Variants in ORC1 observed in about 807,000 individuals in gnomAD.
ORC1 encodes origin recognition complex subunit 1.
A neutral mutation model predicts 98.9 loss-of-function variants in ORC1; 61 were observed. That is an observed-to-expected ratio of 0.62 (90% CI 0.50 to 0.76). The LOEUF (loss-of-function observed/expected upper bound fraction) is 0.76, where lower values mean the gene tolerates loss of function less well. Ranked by LOEUF, ORC1 falls within the 30% of genes least tolerant of loss-of-function variation. The probability of loss-of-function intolerance (pLI) is 0.00; values close to 1 mark genes in which losing one functional copy is unlikely to be tolerated. For missense variants in ORC1, 979 were observed against 1,072.2 expected (o/e 0.91, Z 1.21); for synonymous variants, 385 against 406.9 (o/e 0.95, Z 0.65).
chr1:52,382,785 G>A (rs566477185), intron 13 of ORC1, among the ~76,000 whole-genome samples: 187 of 151,820 alleles, frequency 1.2e-3, no homozygotes, highest in African/African-American at 4.2e-3. Context: ...TCTCCATGTT[G>A]GTCAGGCTGG....
intron 10 of ORC1, 63 bp downstream of exon 10, chr1:52,385,098 C>A: frequency 9.8e-7 from 1 of 1,017,252 alleles, no homozygotes; most frequent in Non-Finnish European, 1.6e-6. Flanking sequence ...CTGTAACACC[C>A]AAGGCATTCC....
rs2274126 is a variant in ORC1 at position 52,389,500 on chromosome 1, T to C, written c.1083-179A>G. On this transcript the variant is annotated intron_variant, in intron 6 of 16. Transcript: ENST00000371568. ...AAAAATTATAACTAAAAAGTTATAA[T>C]TGAAGCTTGACTCAAACCCAGAGTT... Among the ~76,000 whole-genome samples, 33 of 152,334 alleles carry C rather than the reference T, an allele frequency of 2.2e-4. No homozygotes were observed. The East Asian group carries it at 6.0e-3, about 28-fold the overall frequency.
At chr1:52,394,116 G>A (rs1647293079) in intron 5 of ORC1, among the ~76,000 whole-genome samples, 1 of 152,190 alleles carries the variant, frequency 6.6e-6, no homozygotes, top group Non-Finnish European at 1.5e-5. Flanking sequence ...GTCTCAATCA[G>A]GGGTGACATC....
chr1:52,402,813 C>G (rs895103494), intron 1 of ORC1, among the ~76,000 whole-genome samples: 1 of 152,094 alleles, frequency 6.6e-6, no homozygotes, highest in Admixed American at 6.5e-5. Context: ...AGGCAAATCA[C>G]TTGAACCCGG....
At chr1:52,376,289 T>C (rs1010722233) in intron 14 of ORC1, among the ~76,000 whole-genome samples, 2 of 151,902 alleles carry the variant, frequency 1.3e-5, no homozygotes. Context: ...CCCAGGCAGG[T>C]GGATCACTTG....
In ORC1 at chr1:52,400,213, G is replaced by A. The variant is rs72899849; in HGVS notation, c.223+1149C>T. On this transcript the variant is annotated intron_variant, in intron 3 of 16. Transcript: ENST00000371568. ...CTCCCCTTATCTGCTGAGGGTACGC[G>A]CCAAGACCAGTAGATGCTTGAACCT... is the stretch of plus-strand genomic sequence containing the variant. Among the ~76,000 whole-genome samples, 677 of 152,186 alleles carry A rather than the reference G, an allele frequency of 4.4e-3. 8 individuals carry two copies. Among genetic ancestry groups the A allele is most frequent in the African/African-American group, 0.015 (639 of 41,490 alleles).
At position 52,401,445 on chromosome 1, in the gene ORC1, A is replaced by G; in HGVS notation, c.140T>C (p.Ile47Thr). Residue 47 changes from isoleucine to threonine, a missense_variant, in exon 3 of 17, where the codon ATC becomes ACC. Ile to Thr is a moderately conservative substitution (Grantham distance 89). Coordinates refer to ENST00000371568, the MANE Select transcript of ORC1 (RefSeq NM_004153.4). ...KTEGCSTEIH[I>T]QIGQFVLIEG... ...AATCAACACAAACTGTCCAATCTGG[A>G]TGTGAATCTCGGTGGAACAACCTTC... is the stretch of plus-strand genomic sequence containing the variant. 6.2e-7 allele frequency: 1 copy of G among 1,614,086 alleles called. No individual in the cohort carries two copies. The highest frequency in any genetic ancestry group is 8.5e-7 in the Non-Finnish European group (1 of 1,179,972).
rs1378348220 is a variant in ORC1, at chr1:52,385,264, T to C, written c.1482-2A>G. On this transcript the variant is annotated splice_acceptor_variant, in intron 9 of 16. Coordinates refer to ENST00000371568, the MANE Select transcript of ORC1 (RefSeq NM_004153.4). LOFTEE classifies it high-confidence loss of function. Reference sequence around the variant, plus strand: ...TCAGGTACAGCAGAAACATGCAGCCTACCATTGGTGGTAAACGGGAGAAAA... The same window carrying C: ...TCAGGTACAGCAGAAACATGCAGCCCACCATTGGTGGTAAACGGGAGAAAA... The C allele has an allele frequency of 8.1e-6, 13 of 1,598,046 alleles. No homozygotes were observed. The highest frequency in any genetic ancestry group is 9.4e-6 in the Non-Finnish European group (11 of 1,165,300).
At position 52,401,440 on chromosome 1, in the gene ORC1, T is replaced by C. The variant is rs766094257; in HGVS notation, c.145A>G (p.Ile49Val). 1.2e-6 allele frequency: 2 copies of C among 1,614,066 alleles called. No individual in the cohort carries two copies. The highest frequency in any genetic ancestry group is 3.3e-5 in the Admixed American group (2 of 60,018). The change falls in exon 3 of 17, where the codon ATT becomes GTT. Residue 49 changes from isoleucine (I) to valine (V), a missense_variant. Ile to Val is a conservative substitution (Grantham distance 29). Coordinates refer to ENST00000371568, the MANE Select transcript of ORC1 (RefSeq NM_004153.4). ...CCTTCAATCAACACAAACTGTCCAATCTGGATGTGAATCTCGGTGGAACAA... is the reference window on the plus strand; with the variant it reads ...CCTTCAATCAACACAAACTGTCCAACCTGGATGTGAATCTCGGTGGAACAA... Reference protein sequence around the residue: ...EGCSTEIHIQIGQFVLIEGDD... With the variant: ...EGCSTEIHIQVGQFVLIEGDD...
chr1:52,409,307 C>T (rs1457207555), upstream of ORC1, among the ~76,000 whole-genome samples: 2 of 152,300 alleles, frequency 1.3e-5, no homozygotes, highest in Middle Eastern at 3.4e-3. Flanking sequence ...TATCATTAAA[C>T]AGTAGAAGGT....
chr1:52,408,777 G>A, upstream of ORC1: 5 of 1,444,826 alleles, frequency 3.5e-6, no homozygotes, highest in Non-Finnish European at 4.8e-6. Context: ...GTCATAGACA[G>A]TGTGAATGCT....
upstream of ORC1, chr1:52,404,463 C>T (rs1052977691): frequency 2.2e-5 from 7 of 321,792 alleles, no homozygotes; most frequent in Admixed American, 4.7e-5. Context: ...GGCCCCGCCC[C>T]CAGACCGTCC....
At chr1:52,406,916 C>T (rs1648012453), upstream of ORC1, among the ~76,000 whole-genome samples, 1 of 152,218 alleles carries the variant, frequency 6.6e-6, no homozygotes, top group Non-Finnish European at 1.5e-5. Flanking sequence ...TTCTTTGCTA[C>T]AGTATTCTGC....
upstream of ORC1, among the ~76,000 whole-genome samples, chr1:52,406,075 A>G (rs562542301): frequency 1.6e-4 from 25 of 152,146 alleles, no homozygotes; most frequent in Admixed American, 7.2e-4. Context: ...TGCAACCCCC[A>G]TTTCCTGGGT....
chr1:52,383,883 G>A lies in ORC1; in HGVS notation c.1810C>T (p.Gln604Ter), dbSNP rs778297628. 15 of 1,614,038 alleles carry A rather than the reference G, an allele frequency of 9.3e-6. No homozygotes were observed. Among genetic ancestry groups the A allele is most frequent in the Non-Finnish European group, 1.3e-5 (15 of 1,180,044 alleles). ...TGAGGTGACCCTCGGGTGCAGAATT[G>A]CTTTGCCAGCAGTTCTGCCGCATGG... ...ANHAAELLAKQFCTRGSPQET... is the reference protein window; with the variant it reads ...ANHAAELLAK The change falls in exon 12 of 17, where the codon CAA (glutamine) becomes TAA (stop). Residue 604 changes from glutamine to a stop codon, truncating the protein, a stop_gained. Transcript: ENST00000371568. LOFTEE classifies it high-confidence loss of function.
intron 6 of ORC1, among the ~76,000 whole-genome samples, 199 bp from the exon 7 acceptor site, chr1:52,389,520 A>ATC (rs1647183827): frequency 6.6e-6 from 1 of 152,166 alleles, no homozygotes; most frequent in South Asian, 2.1e-4. Flanking sequence ...ACTCAAACCC[A>ATC]GAGTTCAAAG....
At position 52,397,750 on chromosome 1, in the gene ORC1, A is replaced by C; in HGVS notation, c.337T>G (p.Phe113Val). 3 of 1,614,234 alleles carry C rather than the reference A, an allele frequency of 1.9e-6. No homozygotes were observed. Among genetic ancestry groups the C allele is most frequent in the Non-Finnish European group, 2.5e-6 (3 of 1,180,040 alleles). ...TCACAGGCCGGGTAATCATACCAGA[A>C]TATTTCCTGTGCACCAGGCTTCCGG... ...LGRKPGAQEI[F>V]WYDYPACDSN... Residue 113 changes from phenylalanine (F) to valine (V), a missense_variant, in exon 4 of 17, where the codon TTC (phenylalanine) becomes GTC (valine). Transcript: ENST00000371568.
chr1:52,374,728 G>T, intron 16 of ORC1, 82 bp downstream of exon 16: 1 of 914,872 alleles, frequency 1.1e-6, no homozygotes, highest in Non-Finnish European at 1.8e-6. Context: ...AAAATAGAGT[G>T]TCACACATTC....
At chr1:52,392,952 A>G (rs953626224) in intron 6 of ORC1, among the ~76,000 whole-genome samples, 1 of 152,206 alleles carries the variant, frequency 6.6e-6, no homozygotes, top group Non-Finnish European at 1.5e-5. Flanking sequence ...ATAGGGTACA[A>G]TGTACACTGG....
Sources: gnomAD v4.1 joint callset for allele counts (sites outside exome capture counted in the v4.1 genomes callset) on GRCh38, gnomAD v4.1.1 for gene constraint, MANE v1.5 for transcripts, NCBI Gene and HGNC (gene_info 2026-07-23, HGNC 2026-07-21) for gene names.